SLC25A26: variants seen among roughly 807,000 people sequenced by gnomAD.
The protein encoded by SLC25A26 is mitochondrial S-adenosylmethionine carrier protein.
In SLC25A26, 36 loss-of-function variants were observed where a neutral mutation model predicts 37.8. The ratio of observed to expected loss-of-function variants is 0.95; its 90% CI spans 0.73 to 1.26. SLC25A26 has a LOEUF of 1.26. Ranked by LOEUF, SLC25A26 falls within the 50% of genes most tolerant of loss-of-function variation. The pLI is 0.00. For missense variants in SLC25A26, 390 were observed against 331.1 expected (o/e 1.18, Z -1.38); for synonymous variants, 129 against 122.5 (o/e 1.05, Z -0.35).
intron 1 of SLC25A26, among the ~76,000 whole-genome samples, chr3:66,209,310 T>C (rs1314186828): frequency 2.9e-5 from 4 of 139,592 alleles, no homozygotes; most frequent in East Asian, 4.5e-4. Flanking sequence ...TGTATGTATA[T>C]ATACATATAT....
chr3:66,272,554 T>C (rs1005270659), intron 5 of SLC25A26, among the ~76,000 whole-genome samples: 4 of 152,108 alleles, frequency 2.6e-5, no homozygotes, highest in Non-Finnish European at 5.9e-5. Flanking sequence ...GTGCATATTA[T>C]CACGTTTGCG....
chr3:66,347,673 A>T (rs2076357256), intron 6 of SLC25A26, among the ~76,000 whole-genome samples: 1 of 152,242 alleles, frequency 6.6e-6, no homozygotes, highest in African/African-American at 2.4e-5. Flanking sequence ...ATACATACAT[A>T]CATATATTCA....
At chr3:66,295,195 C>G (rs1260996426) in intron 5 of SLC25A26, among the ~76,000 whole-genome samples, 1 of 151,984 alleles carries the variant, frequency 6.6e-6, no homozygotes, top group Non-Finnish European at 1.5e-5. Flanking sequence ...ATTTTGCCAA[C>G]TTGGATGGCC....
chr3:66,356,869 T>C (rs1656293774), intron 6 of SLC25A26, among the ~76,000 whole-genome samples: 1 of 151,876 alleles, frequency 6.6e-6, no homozygotes, highest in Non-Finnish European at 1.5e-5. Context: ...GCTCAAGTGA[T>C]CCTCCCACCT....
intron 3 of SLC25A26, among the ~76,000 whole-genome samples, chr3:66,251,413 C>T (rs2073078840): frequency 6.6e-6 from 1 of 152,106 alleles, no homozygotes; most frequent in Non-Finnish European, 1.5e-5. Flanking sequence ...TCCTTCAGTG[C>T]GTTTTTCATC....
At chr3:66,255,511 T>G (rs1384970577) in intron 3 of SLC25A26, among the ~76,000 whole-genome samples, 3 of 151,930 alleles carry the variant, frequency 2.0e-5, no homozygotes, top group African/African-American at 4.8e-5. Context: ...TTTTTTTCCT[T>G]TATGGAAAAC....
intron 1 of SLC25A26, among the ~76,000 whole-genome samples, chr3:66,136,639 A>G (rs903360636): frequency 6.6e-6 from 1 of 152,250 alleles, no homozygotes; most frequent in African/African-American, 2.4e-5. Flanking sequence ...AATTTGATTT[A>G]TACATTCTTT....
At chr3:66,194,818 C>G (rs2071015333) in intron 1 of SLC25A26, among the ~76,000 whole-genome samples, 1 of 152,214 alleles carries the variant, frequency 6.6e-6, no homozygotes, top group Admixed American at 6.5e-5. Flanking sequence ...CCAGGCTGGT[C>G]TCGGACTCCC....
At chr3:66,333,889 G>C (rs1237801710) in intron 5 of SLC25A26, among the ~76,000 whole-genome samples, 2 of 152,182 alleles carry the variant, frequency 1.3e-5, no homozygotes, top group African/African-American at 4.8e-5. Context: ...ATTACAGAGA[G>C]TGCAAGTCTT....
chr3:66,329,240 C>A (rs1385651182), intron 5 of SLC25A26, among the ~76,000 whole-genome samples: 1 of 152,140 alleles, frequency 6.6e-6, no homozygotes, highest in African/African-American at 2.4e-5. Context: ...TGCATGCATA[C>A]CATAATTTTT....
chr3:66,341,368 A>G (rs1331061960), intron 5 of SLC25A26, among the ~76,000 whole-genome samples: 1 of 152,196 alleles, frequency 6.6e-6, no homozygotes, highest in Admixed American at 6.5e-5. Context: ...ATTACAGACT[A>G]ATTTGACATT....
At chr3:66,347,317 A>G (rs911097292) in intron 6 of SLC25A26, among the ~76,000 whole-genome samples, 3 of 152,232 alleles carry the variant, frequency 2.0e-5, no homozygotes, top group Non-Finnish European at 4.4e-5. Context: ...AGCGAAGGAC[A>G]TGAACAGACA....
chr3:66,178,589 A>C (rs2070634714), intron 1 of SLC25A26, among the ~76,000 whole-genome samples: 1 of 152,158 alleles, frequency 6.6e-6, no homozygotes, highest in African/African-American at 2.4e-5. Flanking sequence ...GACTAAGAGC[A>C]TACAAGTCCT....
chr3:66,252,225 G>A (rs1399777892), intron 3 of SLC25A26, among the ~76,000 whole-genome samples: 1 of 152,210 alleles, frequency 6.6e-6, no homozygotes, highest in African/African-American at 2.4e-5. Context: ...TAGGGTTCTT[G>A]AATTAAATGC....
chr3:66,268,885 C>T lies in SLC25A26; in HGVS notation c.453+5506C>T, dbSNP rs576734341. 4.6e-5 allele frequency among the ~76,000 whole-genome samples: 7 copies of T among 152,292 alleles called. No individual in the cohort carries two copies. The East Asian group carries it at 5.8e-4, about 13-fold the overall frequency. On this transcript the variant is annotated intron_variant, in intron 5 of 9. Coordinates refer to ENST00000354883, the MANE Select transcript of SLC25A26 (RefSeq NM_001379210.1). The stretch of plus-strand genomic sequence containing the variant: ...CTCTCTCTCCTTCTGCCATGTAAGA[C>T]GTGCCTTGCTTTCCCTTTGCCTTCT...
intron 5 of SLC25A26, among the ~76,000 whole-genome samples, chr3:66,312,155 C>G (rs2107606290): frequency 1.3e-5 from 2 of 152,330 alleles, no homozygotes; most frequent in South Asian, 4.1e-4. Flanking sequence ...AAGCACCTGA[C>G]TGGGGCTGCT....
At chr3:66,354,957 C>T (rs947362629) in intron 6 of SLC25A26, among the ~76,000 whole-genome samples, 1 of 152,162 alleles carries the variant, frequency 6.6e-6, no homozygotes, top group Non-Finnish European at 1.5e-5. Flanking sequence ...CCAATTAAAC[C>T]TCTTTCTTTT....
chr3:66,306,116 C>A (rs2075213291), intron 5 of SLC25A26, among the ~76,000 whole-genome samples: 2 of 152,150 alleles, frequency 1.3e-5, no homozygotes. Context: ...TCCCGAGTAG[C>A]TGGGACTACA....
chr3:66,312,073 C>G (rs2075394664), intron 5 of SLC25A26, among the ~76,000 whole-genome samples: 1 of 152,232 alleles, frequency 6.6e-6, no homozygotes, highest in Non-Finnish European at 1.5e-5. Context: ...ACAGTTAAGT[C>G]TGCTGAAGCT....
Sources: allele counts gnomAD v4.1 joint callset (sites outside exome capture counted in the v4.1 genomes callset), GRCh38; gene constraint gnomAD v4.1.1; transcripts MANE v1.5; gene names NCBI Gene and HGNC (gene_info 2026-07-23, HGNC 2026-07-21).